Variants in NT5C1B observed in about 807,000 individuals in gnomAD.
NT5C1B encodes the protein cytosolic 5'-nucleotidase 1B.
Under a neutral mutation model 57.8 loss-of-function variants are expected in NT5C1B, and 44 were observed. The ratio of observed to expected loss-of-function variants is 0.76; its 90% CI spans 0.60 to 0.98. The LOEUF is 0.98. NT5C1B is among the 50% of genes least tolerant of loss of function. The pLI is 0.00. For missense variants in NT5C1B, 742 were observed against 719.5 expected (o/e 1.03, Z -0.36); for synonymous variants, 284 against 282.6 (o/e 1.00, Z -0.05).
intron 6 of NT5C1B, among the ~76,000 whole-genome samples, chr2:18,577,422 C>CAAAAA (rs371226394): frequency 0.058 from 2,306 of 39,804 alleles, 292 homozygotes; most frequent in African/African-American, 0.21. Context: ...GACTCTGTCT[C>CAAAAA]AAAAAAAAAA....
intron 5 of NT5C1B, chr2:18,583,708 T>C: frequency 2.6e-6 from 1 of 389,402 alleles, no homozygotes. Flanking sequence ...TAATATGCTA[T>C]GTTTGGGGCC....
intron 3 of NT5C1B, among the ~76,000 whole-genome samples, chr2:18,585,321 CTCAG>C (rs1250637019): frequency 1.3e-5 from 2 of 152,190 alleles, no homozygotes; most frequent in Non-Finnish European, 2.9e-5. Flanking sequence ...CATATACCTA[CTCAG>C]TCAGAGGCCT....
intron 8 of NT5C1B, among the ~76,000 whole-genome samples, chr2:18,565,132 TTTGA>T (rs1664528628): frequency 6.6e-6 from 1 of 152,210 alleles, no homozygotes; most frequent in South Asian, 2.1e-4. Context: ...CATTTCATCC[TTTGA>T]TTGGCTATTG....
At chr2:18,572,193 C>T (rs184568712) in intron 8 of NT5C1B, among the ~76,000 whole-genome samples, 2 of 151,876 alleles carry the variant, frequency 1.3e-5, no homozygotes, top group African/African-American at 4.8e-5. Context: ...GAAAATCACC[C>T]TTTTCAACAA....
intron 8 of NT5C1B, among the ~76,000 whole-genome samples, chr2:18,568,225 A>G (rs1165856112): frequency 6.6e-6 from 1 of 152,196 alleles, no homozygotes; most frequent in Non-Finnish European, 1.5e-5. Flanking sequence ...TACAAAATTC[A>G]TAACATTTGT....
intron 3 of NT5C1B, chr2:18,585,264 C>T (rs910841920): frequency 1.5e-6 from 1 of 684,374 alleles, no homozygotes; most frequent in South Asian, 1.4e-5. Flanking sequence ...TCTTCCTCCC[C>T]CTTAGGCAGC....
chr2:18,569,547 GA>G (rs1251815476), intron 8 of NT5C1B, among the ~76,000 whole-genome samples: 1 of 151,906 alleles, frequency 6.6e-6, no homozygotes, highest in Admixed American at 6.6e-5. Flanking sequence ...TAAAAGTATA[GA>G]AAAATCATAT....
intron 6 of NT5C1B, among the ~76,000 whole-genome samples, chr2:18,578,633 A>G (rs1043429393): frequency 6.6e-6 from 1 of 152,098 alleles, no homozygotes; most frequent in Non-Finnish European, 1.5e-5. Context: ...CCCCAAAAAA[A>G]CCCTCAGCAT....
rs150997302 is a variant in NT5C1B at position 18,568,206 on chromosome 2, G to A, written c.1330-4087C>T. Among the ~76,000 whole-genome samples, 6 of 151,238 alleles carry A rather than the reference G, an allele frequency of 4.0e-5. No homozygotes were observed. The East Asian group carries it at 1.2e-3, about 30-fold the overall frequency. On this transcript the variant is annotated intron_variant, in intron 8 of 8. Coordinates refer to ENST00000304081, the Ensembl canonical transcript of NT5C1B. ...AAAAACAGACACATTACATACTAAG[G>A]ACCAAAGATACAAAATTCATAACAT... is the stretch of plus-strand genomic sequence containing the variant.
chr2:18,571,283 A>AT (rs139002041), intron 8 of NT5C1B, among the ~76,000 whole-genome samples: 3,988 of 152,244 alleles, frequency 0.026, 152 homozygotes, highest in African/African-American at 0.086. Flanking sequence ...GAAAATCTCA[A>AT]TCTACAAAAT....
At chr2:18,569,454 T>G (rs1045192885) in intron 8 of NT5C1B, among the ~76,000 whole-genome samples, 3 of 152,104 alleles carry the variant, frequency 2.0e-5, no homozygotes, top group African/African-American at 7.2e-5. Context: ...GATTGCCAGA[T>G]TGTATAAAAT....
rs748663158 is a variant in NT5C1B at position 18,584,592 on chromosome 2, C to G, written c.645G>C (p.Glu215Asp). The change falls in exon 4 of 9, where the codon GAG (glutamate) becomes GAC (aspartate). Residue 215 changes from glutamate (E) to aspartate (D), a missense_variant. Glu to Asp is a conservative substitution (Grantham distance 45). Transcript: ENST00000304081. The surrounding 1 kb of genome is among the most constrained non-coding windows in gnomAD (Gnocchi z 5.8). ...CCCAGTAGGCAGCCTCGTAGTCGTC[C>G]TCGTCCTCCCGCTGCTGCTGCTGCT... 1.9e-6 allele frequency: 3 copies of G among 1,612,546 alleles called. No homozygotes were observed. Among genetic ancestry groups the G allele is most frequent in the Non-Finnish European group, 2.5e-6 (3 of 1,179,420 alleles).
chr2:18,571,497 A>T (rs1665146761), intron 8 of NT5C1B, among the ~76,000 whole-genome samples: 3 of 151,916 alleles, frequency 2.0e-5, no homozygotes, highest in South Asian at 2.1e-4. Context: ...TAAAAAAAAA[A>T]TTTAAATGAT....
intron 1 of NT5C1B, 149 bp downstream of exon 1, chr2:18,589,290 C>A (rs1572396579): frequency 9.4e-7 from 1 of 1,062,258 alleles, no homozygotes; most frequent in East Asian, 2.4e-5. Context: ...TTTCCATTGC[C>A]TTTATTCTCT....
At chr2:18,587,058 G>T in intron 2 of NT5C1B, 1 of 1,614,156 alleles carries the variant, frequency 6.2e-7, no homozygotes, top group Non-Finnish European at 8.5e-7. Context: ...AATACGTATT[G>T]TGTGGCAGGG....
chr2:18,587,009 C>T, intron 2 of NT5C1B: 2 of 1,614,226 alleles, frequency 1.2e-6, no homozygotes, highest in South Asian at 1.1e-5. Context: ...TCATGGTGAT[C>T]TGCTGGCCCT....
chr2:18,587,668 G>A, intron 1 of NT5C1B, 76 bp from the exon 2 acceptor site: 1 of 1,506,880 alleles, frequency 6.6e-7, no homozygotes, highest in Non-Finnish European at 8.9e-7. Context: ...AGAATAAAAG[G>A]ATAAAGAAAA....
At chr2:18,576,031 G>A (rs1665636048) in intron 8 of NT5C1B, among the ~76,000 whole-genome samples, 153 bp downstream of exon 8, 1 of 152,142 alleles carries the variant, frequency 6.6e-6, no homozygotes, top group Admixed American at 6.6e-5. Flanking sequence ...AGCCATTCAT[G>A]AAAGAAAGAG....
At chr2:18,577,080 A>T (rs1329925957) in intron 6 of NT5C1B, among the ~76,000 whole-genome samples, 185 bp from the exon 7 acceptor site, 1 of 152,192 alleles carries the variant, frequency 6.6e-6, no homozygotes, top group Non-Finnish European at 1.5e-5. Flanking sequence ...CCAATATTTA[A>T]AATTCCTCAA....
Sources: gnomAD v4.1 joint callset for allele counts (sites outside exome capture counted in the v4.1 genomes callset) on GRCh38, gnomAD v4.1.1 for gene constraint, Gnocchi (gnomAD v3.1) non-coding constraint, MANE v1.5 for transcripts, NCBI Gene and HGNC (gene_info 2026-07-23, HGNC 2026-07-21) for gene names.